The following GLIS3 variants were observed in gnomAD, a reference collection of about 807,000 sequenced individuals.
GLIS3 encodes zinc finger protein GLIS3.
GLIS3 carries 53 observed loss-of-function variants against 78.6 expected under a neutral mutation model. The ratio of observed to expected loss-of-function variants is 0.67; its 90% CI spans 0.54 to 0.85. The LOEUF is 0.85. Among genes scored for constraint, GLIS3 ranks in the 40% least tolerant of loss-of-function variants. GLIS3 has a pLI of 0.00. For missense variants in GLIS3, 1,703 were observed against 1,231.1 expected (o/e 1.38, Z -5.74); for synonymous variants, 684 against 509.9 (o/e 1.34, Z -4.60).
chr9:3,919,737 T>C (rs1374538108), intron 6 of GLIS3, among the ~76,000 whole-genome samples: 1 of 151,836 alleles, frequency 6.6e-6, no homozygotes, highest in East Asian at 1.9e-4. Context: ...ATTGGCTCAG[T>C]TACCAAGAAA....
intron 2 of GLIS3, among the ~76,000 whole-genome samples, chr9:4,315,380 C>T (rs560323450): frequency 6.6e-6 from 1 of 152,250 alleles, no homozygotes; most frequent in East Asian, 1.9e-4. Context: ...ATTTCAAGGC[C>T]TGCTCACTCA....
At chr9:3,962,950 G>GA (rs1817672739) in intron 4 of GLIS3, among the ~76,000 whole-genome samples, 1 of 150,398 alleles carries the variant, frequency 6.6e-6, no homozygotes, top group Non-Finnish European at 1.5e-5. Context: ...GATTTAAGGG[G>GA]GGGGGGGGGA....
At chr9:4,463,448 C>T in the GLIS3 span, among the ~76,000 whole-genome samples, 4 of 152,158 alleles carry the variant, frequency 2.6e-5, no homozygotes, top group Admixed American at 1.3e-4. Context: ...TTATGCTCCC[C>T]CAGGCCCTGA....
chr9:4,091,836 T>C (rs1829533642), intron 4 of GLIS3, among the ~76,000 whole-genome samples: 1 of 152,108 alleles, frequency 6.6e-6, no homozygotes, highest in South Asian at 2.1e-4. Context: ...AGAAACAGAA[T>C]AATACAGTAA....
intron 9 of GLIS3, among the ~76,000 whole-genome samples, chr9:3,841,604 G>C (rs1818718436): frequency 6.6e-6 from 1 of 152,118 alleles, no homozygotes; most frequent in African/African-American, 2.4e-5. Context: ...AAAATTCCTG[G>C]ATACAAGTAA....
intron 2 of GLIS3, among the ~76,000 whole-genome samples, chr9:4,238,116 C>G (rs1303636139): frequency 6.6e-6 from 1 of 152,204 alleles, no homozygotes; most frequent in African/African-American, 2.4e-5. Context: ...TTTAGGACCA[C>G]TCCGTAAAAA....
intron 2 of GLIS3, among the ~76,000 whole-genome samples, chr9:4,244,898 A>G (rs72690042): frequency 0.017 from 2,604 of 152,252 alleles, 43 homozygotes; most frequent in Admixed American, 0.029. Context: ...TAAATCTAAA[A>G]TGATTCTACA....
At chr9:3,843,847 T>C (rs1158908656) in intron 9 of GLIS3, among the ~76,000 whole-genome samples, 2 of 152,090 alleles carry the variant, frequency 1.3e-5, no homozygotes, top group African/African-American at 4.8e-5. Flanking sequence ...TGAGATGAGG[T>C]TGGGTTTGGT....
At chr9:4,123,529 G>C (rs1832343746) in intron 3 of GLIS3, among the ~76,000 whole-genome samples, 2 of 151,934 alleles carry the variant, frequency 1.3e-5, no homozygotes, top group South Asian at 2.1e-4. Flanking sequence ...ACTAACAAAA[G>C]ACTAATTTTT....
intron 2 of GLIS3, among the ~76,000 whole-genome samples, chr9:4,261,572 G>C (rs745737876): frequency 2.0e-5 from 3 of 152,092 alleles, no homozygotes; most frequent in Non-Finnish European, 2.9e-5. Flanking sequence ...CAAAAATGAA[G>C]TGACAATGGC....
rs1363434572 is a variant in GLIS3, at chr9:3,855,736, G to A, written c.2473+273C>T. Reference sequence around the variant, plus strand: ...GCTGTCTATTGTTTAGAAACAGGATGCTATTGCTGGTGTTAGAGCCCTGGC... The same window carrying A: ...GCTGTCTATTGTTTAGAAACAGGATACTATTGCTGGTGTTAGAGCCCTGGC... On this transcript the variant is annotated intron_variant, in intron 9 of 10. Coordinates refer to ENST00000381971, the MANE Select transcript of GLIS3 (RefSeq NM_001042413.2). 4 of 440,484 alleles carry A rather than the reference G, an allele frequency of 9.1e-6. No homozygotes were observed. The East Asian group carries it at 1.9e-4, about 21-fold the overall frequency. The allele number at this position is 440,484 out of a possible 1,614,324, so 27.3% of individuals were successfully genotyped here.
chr9:4,162,591 G>A (rs1409087473), intron 2 of GLIS3, among the ~76,000 whole-genome samples: 1 of 152,122 alleles, frequency 6.6e-6, no homozygotes, highest in Non-Finnish European at 1.5e-5. Context: ...CGGGTGCGGT[G>A]GCTCACGCCT....
chr9:3,956,638 T>C (rs1817128964), intron 4 of GLIS3, among the ~76,000 whole-genome samples: 1 of 152,180 alleles, frequency 6.6e-6, no homozygotes, highest in Non-Finnish European at 1.5e-5. Context: ...TTTTGTTTTG[T>C]TTTGTTTTGT....
chr9:4,428,999 C>G, the GLIS3 span, among the ~76,000 whole-genome samples: 1 of 152,136 alleles, frequency 6.6e-6, no homozygotes, highest in Non-Finnish European at 1.5e-5. Context: ...CATCCTAGTT[C>G]AAACCACTAT....
intron 2 of GLIS3, among the ~76,000 whole-genome samples, chr9:4,204,275 G>T (rs967989610): frequency 6.6e-6 from 1 of 152,144 alleles, no homozygotes. Context: ...ATTTTATAAC[G>T]ATTCTTTCAC....
intron 4 of GLIS3, among the ~76,000 whole-genome samples, chr9:4,074,481 G>A (rs747700787): frequency 7.9e-5 from 12 of 152,050 alleles, no homozygotes; most frequent in African/African-American, 2.2e-4. Flanking sequence ...TTTCCATCCC[G>A]GTTCTCCATC....
chr9:4,355,599 G>T, the GLIS3 span, among the ~76,000 whole-genome samples: 4 of 152,134 alleles, frequency 2.6e-5, no homozygotes, highest in African/African-American at 9.7e-5. Flanking sequence ...AGAGGGGAAG[G>T]AGGAGTCAAA....
intron 4 of GLIS3, among the ~76,000 whole-genome samples, chr9:4,020,297 G>GT (rs538108920): frequency 6.2e-4 from 94 of 151,896 alleles, no homozygotes; most frequent in Admixed American, 2.0e-3. Context: ...TGTTTGTTTT[G>GT]TTTTTTTTGT....
chr9:4,105,966 G>C (rs1830720032), intron 4 of GLIS3, among the ~76,000 whole-genome samples: 1 of 152,280 alleles, frequency 6.6e-6, no homozygotes. Context: ...GGGACAACTA[G>C]AGATAATTAC....
Sources: gnomAD v4.1 joint callset for allele counts (sites outside exome capture counted in the v4.1 genomes callset) on GRCh38, gnomAD v4.1.1 for gene constraint, MANE v1.5 for transcripts, NCBI Gene and HGNC (gene_info 2026-07-23, HGNC 2026-07-21) for gene names.